Variants in VIPR2 observed in about 807,000 individuals in gnomAD.
The protein encoded by VIPR2 is vasoactive intestinal peptide receptor 2.
In VIPR2, 48 loss-of-function variants were observed where a neutral mutation model predicts 58.0. That is an observed-to-expected ratio of 0.83 (90% CI 0.66 to 1.05). The LOEUF (loss-of-function observed/expected upper bound fraction) is 1.05, where lower values mean the gene tolerates loss of function less well. Ranked by LOEUF, VIPR2 falls within the 50% of genes least tolerant of loss-of-function variation. The pLI is 0.00. For synonymous variants in VIPR2, 243 were observed against 235.2 expected (o/e 1.03, Z -0.30); for missense variants, 534 against 558.0 (o/e 0.96, Z 0.43).
chr7:159,057,950 C>T (rs1563280527), intron 5 of VIPR2, among the ~76,000 whole-genome samples: 1 of 152,240 alleles, frequency 6.6e-6, no homozygotes, highest in Non-Finnish European at 1.5e-5. Flanking sequence ...AAGCCCTTCA[C>T]ATCTACCGAC....
At chr7:159,056,619 TAAG>T (rs1377028838) in intron 5 of VIPR2, among the ~76,000 whole-genome samples, 3 of 152,190 alleles carry the variant, frequency 2.0e-5, no homozygotes, top group Non-Finnish European at 4.4e-5. Flanking sequence ...GGATGTGTTC[TAAG>T]AAGTAAGTAG....
intron 4 of VIPR2, among the ~76,000 whole-genome samples, chr7:159,094,871 A>T (rs1384312210): frequency 6.6e-6 from 1 of 152,134 alleles, no homozygotes; most frequent in African/African-American, 2.4e-5. Flanking sequence ...TCCCATTGAG[A>T]CCTAGTTCAT....
At position 159,029,462 on chromosome 7, in the gene VIPR2, G is replaced by A. The variant is rs1853413773; in HGVS notation, c.*1154C>T. The A allele has an allele frequency of 1.3e-5, 2 of 152,268 alleles. No homozygotes were observed. The highest frequency in any genetic ancestry group is 1.9e-4 in the East Asian group (1 of 5,202). 9.4% of individuals were successfully genotyped at this position (152,268 alleles called of 1,614,324 possible). A position where few individuals can be genotyped will look rare whatever the true frequency, so the allele number is the denominator to read the frequency against. ...AGGGCTGCTGAGCGCCAGCTCTGGGGAGGAGGGCTTGAAACAGTTTTATAT... is the reference window on the plus strand; with the variant it reads ...AGGGCTGCTGAGCGCCAGCTCTGGGAAGGAGGGCTTGAAACAGTTTTATAT... On this transcript the variant is annotated 3_prime_UTR_variant, in exon 13 of 13. Coordinates refer to ENST00000262178, the MANE Select transcript of VIPR2 (RefSeq NM_003382.5).
At chr7:159,110,550 A>AT (rs1795955815) in intron 2 of VIPR2, among the ~76,000 whole-genome samples, 1 of 151,292 alleles carries the variant, frequency 6.6e-6, no homozygotes. Flanking sequence ...TGAATTCTCA[A>AT]TATCACACAA....
At chr7:159,081,889 G>T (rs908598457) in intron 4 of VIPR2, among the ~76,000 whole-genome samples, 7 of 152,184 alleles carry the variant, frequency 4.6e-5, no homozygotes, top group African/African-American at 1.7e-4. Context: ...GGCCATCAGA[G>T]AAATGCAAAT....
intron 5 of VIPR2, among the ~76,000 whole-genome samples, chr7:159,048,144 T>C (rs1215826503): frequency 6.6e-6 from 1 of 151,330 alleles, no homozygotes; most frequent in Admixed American, 6.6e-5. Flanking sequence ...ACCATATAAA[T>C]TTGAGAAACA....
intron 2 of VIPR2, among the ~76,000 whole-genome samples, chr7:159,130,052 C>T (rs934176222): frequency 1.3e-5 from 2 of 152,138 alleles, no homozygotes; most frequent in African/African-American, 2.4e-5. Context: ...ACCAGCTTCA[C>T]ACTCTGTCCC....
At chr7:159,111,552 C>T (rs2129496342) in intron 2 of VIPR2, among the ~76,000 whole-genome samples, 1 of 152,018 alleles carries the variant, frequency 6.6e-6, no homozygotes, top group African/African-American at 2.4e-5. Flanking sequence ...TGGTGGTACA[C>T]ACCTGTAATC....
rs547604446 is a variant in VIPR2, at chr7:159,109,986, T to A, written c.152-67A>T. On this transcript the variant is annotated intron_variant, in intron 2 of 12. Transcript: ENST00000262178. ...GAAGTGTCACAAATAGAAACCCCATTAATGAGATAACTGCCTCGCAAACTC... is the reference window on the plus strand; with the variant it reads ...GAAGTGTCACAAATAGAAACCCCATAAATGAGATAACTGCCTCGCAAACTC... The A allele has an allele frequency of 4.1e-5, 61 of 1,487,316 alleles. 1 individual carries two copies. The African/African-American group carries it at 7.0e-4, about 17-fold the overall frequency. The allele number at this position is 1,487,316 out of a possible 1,614,324, so 92.1% of individuals were successfully genotyped here. A position where few individuals can be genotyped will look rare whatever the true frequency, so the allele number is the denominator to read the frequency against.
intron 4 of VIPR2, among the ~76,000 whole-genome samples, chr7:159,066,704 T>C (rs1404267860): frequency 1.3e-5 from 2 of 152,238 alleles, no homozygotes; most frequent in Non-Finnish European, 2.9e-5. Context: ...AGTGATGATA[T>C]TTCAAGGCAA....
intron 4 of VIPR2, among the ~76,000 whole-genome samples, chr7:159,086,686 C>G (rs1296526719): frequency 6.6e-6 from 1 of 152,238 alleles, no homozygotes; most frequent in Non-Finnish European, 1.5e-5. Flanking sequence ...GTGTTGTGCC[C>G]AGGAGCTGGT....
At chr7:159,079,054 G>A (rs1856783047) in intron 4 of VIPR2, among the ~76,000 whole-genome samples, 1 of 152,060 alleles carries the variant, frequency 6.6e-6, no homozygotes, top group African/African-American at 2.4e-5. Flanking sequence ...AGGAAGGATG[G>A]GTGGTGACAG....
intron 2 of VIPR2, among the ~76,000 whole-genome samples, chr7:159,118,348 GC>G (rs1457781213): frequency 6.6e-6 from 1 of 152,208 alleles, no homozygotes; most frequent in East Asian, 1.9e-4. Context: ...GGAGTGTGCT[GC>G]TGGAGACCAT....
intron 5 of VIPR2, among the ~76,000 whole-genome samples, chr7:159,046,023 A>G (rs1040371515): frequency 6.6e-6 from 1 of 152,200 alleles, no homozygotes; most frequent in Admixed American, 6.5e-5. Flanking sequence ...ACTTCATTGC[A>G]TACCACTAGA....
At chr7:159,036,721 A>G (rs1430357264) in intron 7 of VIPR2, 31 bp downstream of exon 7, 4 of 1,597,210 alleles carry the variant, frequency 2.5e-6, no homozygotes, top group South Asian at 1.1e-5. Flanking sequence ...GATGGGATGG[A>G]GGGTTTGTGG....
intron 4 of VIPR2, among the ~76,000 whole-genome samples, chr7:159,085,985 C>T (rs12535015): frequency 6.6e-6 from 1 of 152,128 alleles, no homozygotes. Flanking sequence ...GGAGTGAGCC[C>T]TAAGTAAACC....
intron 4 of VIPR2, among the ~76,000 whole-genome samples, chr7:159,062,565 TC>T (rs1855757083): frequency 6.6e-6 from 1 of 151,788 alleles, no homozygotes; most frequent in Non-Finnish European, 1.5e-5. Context: ...TACTTATTCC[TC>T]CCGGTGGGTT....
intron 2 of VIPR2, among the ~76,000 whole-genome samples, chr7:159,112,729 GCGCCTACCT>G (rs1443975375): frequency 7.3e-5 from 10 of 137,858 alleles, no homozygotes; most frequent in Non-Finnish European, 9.6e-5. Flanking sequence ...GAGACTCACG[GCGCCTACCT>G]GGGACCGACC....
At chr7:159,063,703 TG>T (rs1350062661) in intron 4 of VIPR2, among the ~76,000 whole-genome samples, 1 of 63,696 alleles carries the variant, frequency 1.6e-5, no homozygotes, top group African/African-American at 5.5e-5. Context: ...CCAGGGGTCT[TG>T]GGGGGATCTG....
Sources: allele counts gnomAD v4.1 joint callset (sites outside exome capture counted in the v4.1 genomes callset), GRCh38; gene constraint gnomAD v4.1.1; transcripts MANE v1.5; gene names NCBI Gene and HGNC (gene_info 2026-07-23, HGNC 2026-07-21).